Variants in GNA14 observed in about 807,000 individuals in gnomAD.
The protein encoded by GNA14 is G protein subunit alpha 14, also known as guanine nucleotide-binding protein subunit alpha-14.
A neutral mutation model predicts 42.0 loss-of-function variants in GNA14; 50 were observed. The ratio of observed to expected loss-of-function variants is 1.19; its 90% CI spans 0.95 to 1.51. The LOEUF (loss-of-function observed/expected upper bound fraction) is 1.51, where lower values mean the gene tolerates loss of function less well. Among genes scored for constraint, GNA14 ranks in the 40% most tolerant of loss-of-function variants. GNA14 has a pLI of 0.00. For synonymous variants in GNA14, 173 were observed against 163.1 expected (o/e 1.06, Z -0.46); for missense variants, 473 against 446.2 (o/e 1.06, Z -0.54).
At chr9:77,622,228 C>T (rs1337689744) in intron 1 of GNA14, among the ~76,000 whole-genome samples, 2 of 152,228 alleles carry the variant, frequency 1.3e-5, no homozygotes, top group East Asian at 1.9e-4. Flanking sequence ...CATGTGCACA[C>T]AGTCTTTGAA....
At position 77,578,348 on chromosome 9, in the gene GNA14, C is replaced by A. The variant is rs979698737; in HGVS notation, c.125-49095G>T. ...TTATCTGAGGATCATTGGGCCTGCC[C>A]TGCATCAGTGGCCCTGTGATTTCAG... On this transcript the variant is annotated intron_variant, in intron 1 of 6. Coordinates refer to ENST00000341700, the MANE Select transcript of GNA14 (RefSeq NM_004297.4). Among the ~76,000 whole-genome samples, 28 of 152,172 alleles carry A rather than the reference C, an allele frequency of 1.8e-4. 1 individual carries two copies. The highest frequency in any genetic ancestry group is 1.0e-3 in the Admixed American group (16 of 15,272).
At chr9:77,469,066 T>C (rs1278650635) in intron 2 of GNA14, among the ~76,000 whole-genome samples, 1 of 152,212 alleles carries the variant, frequency 6.6e-6, no homozygotes, top group Admixed American at 6.5e-5. Flanking sequence ...CTGCATGATT[T>C]GTACCCTGCC....
chr9:77,569,303 G>A (rs1019958196), intron 1 of GNA14, among the ~76,000 whole-genome samples: 2 of 152,146 alleles, frequency 1.3e-5, no homozygotes, highest in African/African-American at 4.8e-5. Flanking sequence ...GCAGGGGGAT[G>A]CAGTCCTATT....
At chr9:77,507,970 G>A (rs1355902722) in intron 2 of GNA14, among the ~76,000 whole-genome samples, 1 of 152,018 alleles carries the variant, frequency 6.6e-6, no homozygotes, top group Non-Finnish European at 1.5e-5. Flanking sequence ...CACCCGCCTC[G>A]GCCTCCCAAA....
intron 2 of GNA14, among the ~76,000 whole-genome samples, chr9:77,506,321 A>T (rs1837068299): frequency 6.6e-6 from 1 of 151,830 alleles, no homozygotes; most frequent in South Asian, 2.1e-4. Flanking sequence ...ACTAATTTTA[A>T]TAAAATATTT....
chr9:77,608,939 A>G (rs1823686327), intron 1 of GNA14, among the ~76,000 whole-genome samples: 1 of 152,012 alleles, frequency 6.6e-6, no homozygotes, highest in African/African-American at 2.4e-5. Context: ...TCCTTCATTC[A>G]CATCCATACT....
At chr9:77,642,615 G>A (rs888257681) in intron 1 of GNA14, among the ~76,000 whole-genome samples, 2 of 151,826 alleles carry the variant, frequency 1.3e-5, no homozygotes, top group Non-Finnish European at 2.9e-5. Context: ...AAAAATATAT[G>A]AAAATTAGCT....
intron 2 of GNA14, chr9:77,517,587 TTTC>T (rs1837278076): frequency 8.0e-6 from 1 of 124,540 alleles, no homozygotes; most frequent in African/African-American, 3.4e-5. Context: ...TCCTGGTACT[TTTC>T]TTTTTTTTTT....
intron 2 of GNA14, among the ~76,000 whole-genome samples, chr9:77,475,858 G>A (rs1418411970): frequency 1.3e-5 from 2 of 152,306 alleles, no homozygotes; most frequent in South Asian, 4.1e-4. Context: ...GATGCTGTGG[G>A]TTGGGGTGTT....
intron 5 of GNA14, among the ~76,000 whole-genome samples, chr9:77,426,143 C>T (rs1754707649): frequency 6.6e-6 from 1 of 152,130 alleles, no homozygotes; most frequent in Non-Finnish European, 1.5e-5. Flanking sequence ...GACTGGGCCT[C>T]AGCAGTCAAG....
intron 1 of GNA14, among the ~76,000 whole-genome samples, chr9:77,582,432 C>T (rs997884886): frequency 2.0e-5 from 3 of 152,178 alleles, no homozygotes; most frequent in Admixed American, 6.5e-5. Flanking sequence ...AAACACTGAC[C>T]GCCAGGATAG....
rs28395815 is a variant in GNA14 at position 77,434,647 on chromosome 9, G to T, written c.310-125C>A. The T allele has an allele frequency of 3.3e-3, 2,555 of 783,854 alleles. 16 individuals are homozygous for T. Among genetic ancestry groups the T allele is most frequent in the Middle Eastern group, 0.019 (61 of 3,144 alleles). 48.6% of individuals were successfully genotyped at this position (783,854 alleles called of 1,614,324 possible). A position where few individuals can be genotyped will look rare whatever the true frequency, so the allele number is the denominator to read the frequency against. Reference sequence around the variant, plus strand: ...GCTCTCACTAGGCATGGGGCGTGGTGGGCACCCTCCCAGGGGCCGCTCACA... The same window carrying T: ...GCTCTCACTAGGCATGGGGCGTGGTTGGCACCCTCCCAGGGGCCGCTCACA... On this transcript the variant is annotated intron_variant, in intron 2 of 6. Coordinates refer to ENST00000341700, the MANE Select transcript of GNA14 (RefSeq NM_004297.4).
intron 4 of GNA14, among the ~76,000 whole-genome samples, chr9:77,429,414 G>A (rs1008600021): frequency 2.0e-5 from 3 of 152,150 alleles, no homozygotes; most frequent in Admixed American, 6.5e-5. Flanking sequence ...GCTGTCTTCC[G>A]GGTCTCCCAG....
rs918395363 is a variant in GNA14, at chr9:77,648,140, C to A, written c.-347G>T. 2.9e-6 allele frequency: 1 copy of A among 339,458 alleles called. No individual in the cohort carries two copies. The highest frequency in any genetic ancestry group is 5.4e-6 in the Non-Finnish European group (1 of 185,628). The allele number at this position is 339,458 out of a possible 1,614,324, so 21.0% of individuals were successfully genotyped here. On this transcript the variant is annotated 5_prime_UTR_variant, in exon 1 of 7. Transcript: ENST00000341700. ...CGCGCCCCTTGGCACAGGAGCCGGA[C>A]AGCAGTCGGGGGCGCAGACGAGTTG...
chr9:77,490,584 C>T (rs1294110019), intron 2 of GNA14, among the ~76,000 whole-genome samples: 1 of 152,242 alleles, frequency 6.6e-6, no homozygotes, highest in Non-Finnish European at 1.5e-5. Flanking sequence ...TGGGCTGGCA[C>T]TGCTGGGGGA....
At chr9:77,542,019 T>G (rs991677483) in intron 1 of GNA14, among the ~76,000 whole-genome samples, 2 of 152,212 alleles carry the variant, frequency 1.3e-5, no homozygotes, top group Admixed American at 6.5e-5. Flanking sequence ...TTGAAATCTT[T>G]GAGATTTTGT....
At chr9:77,520,025 AAAAAG>A (rs1311694674) in intron 2 of GNA14, among the ~76,000 whole-genome samples, 1 of 152,142 alleles carries the variant, frequency 6.6e-6, no homozygotes, top group Non-Finnish European at 1.5e-5. Flanking sequence ...GTAAAAATAA[AAAAAG>A]AAAAGCCCAG....
intron 2 of GNA14, among the ~76,000 whole-genome samples, chr9:77,524,537 T>G (rs1284477526): frequency 6.6e-6 from 1 of 152,192 alleles, no homozygotes; most frequent in Non-Finnish European, 1.5e-5. Context: ...AAGCTGAAGT[T>G]TTATTCTTCC....
chr9:77,565,927 G>T (rs531239260), intron 1 of GNA14, among the ~76,000 whole-genome samples: 2 of 152,252 alleles, frequency 1.3e-5, no homozygotes, highest in South Asian at 4.1e-4. Flanking sequence ...TACATCAGTT[G>T]TTCTCAATGG....
Sources: gnomAD v4.1 joint callset for allele counts (sites outside exome capture counted in the v4.1 genomes callset) on GRCh38, gnomAD v4.1.1 for gene constraint, MANE v1.5 for transcripts, NCBI Gene and HGNC (gene_info 2026-07-23, HGNC 2026-07-21) for gene names.